Variants in SPMIP2 observed in about 807,000 individuals in gnomAD.
SPMIP2 encodes the protein sperm microtubule inner protein 2.
At chr4:158,988,971 A>G in the SPMIP2 span, among the ~76,000 whole-genome samples, 5 of 152,200 alleles carry the variant, frequency 3.3e-5, no homozygotes, top group Non-Finnish European at 7.3e-5. Context: ...ACATAATTAT[A>G]TCTTTACAAA....
chr4:158,979,803 T>G, the SPMIP2 span, among the ~76,000 whole-genome samples: 9 of 147,640 alleles, frequency 6.1e-5, no homozygotes, highest in East Asian at 2.0e-4. Flanking sequence ...TTTTTTTTTT[T>G]TTTTTTTTTT....
chr4:158,895,832 G>A, the SPMIP2 span: 6 of 1,613,108 alleles, frequency 3.7e-6, no homozygotes, highest in Non-Finnish European at 3.4e-6. Context: ...GGACACACAC[G>A]AGTCCATGTG....
At chr4:158,944,590 T>G in the SPMIP2 span, among the ~76,000 whole-genome samples, 1 of 152,156 alleles carries the variant, frequency 6.6e-6, no homozygotes, top group African/African-American at 2.4e-5. Flanking sequence ...GCTTCATACA[T>G]CTACCTCTAC....
chr4:158,973,089 A>T, the SPMIP2 span: 370 of 1,576,412 alleles, frequency 2.3e-4, 1 homozygote, highest in Admixed American at 2.3e-3. Flanking sequence ...CTTGATATGA[A>T]AGCCACTCCC....
At chr4:159,070,225 T>A in the SPMIP2 span, among the ~76,000 whole-genome samples, 1 of 152,180 alleles carries the variant, frequency 6.6e-6, no homozygotes, top group Non-Finnish European at 1.5e-5. Flanking sequence ...TTTTGTGCCA[T>A]CGAGTTGTTT....
chr4:158,988,504 A>C, the SPMIP2 span, among the ~76,000 whole-genome samples: 3 of 152,216 alleles, frequency 2.0e-5, no homozygotes, highest in Non-Finnish European at 4.4e-5. Context: ...ATATTGGCAA[A>C]CTCAATCCAG....
chr4:158,910,513 T>C, the SPMIP2 span, among the ~76,000 whole-genome samples: 1 of 151,184 alleles, frequency 6.6e-6, no homozygotes, highest in African/African-American at 2.4e-5. Flanking sequence ...CCTCAGATGA[T>C]CTGCCCGCCT....
At chr4:158,956,744 T>A in the SPMIP2 span, among the ~76,000 whole-genome samples, 6 of 152,140 alleles carry the variant, frequency 3.9e-5, no homozygotes, top group South Asian at 2.1e-4. Context: ...CCCATCATTA[T>A]AACAAATATG....
At chr4:158,994,446 G>A in the SPMIP2 span, among the ~76,000 whole-genome samples, 1 of 152,122 alleles carries the variant, frequency 6.6e-6, no homozygotes, top group African/African-American at 2.4e-5. Flanking sequence ...AGGAAGAATT[G>A]CTTTTCACTA....
chr4:158,925,100 T>C, the SPMIP2 span, among the ~76,000 whole-genome samples: 1 of 152,260 alleles, frequency 6.6e-6, no homozygotes, highest in Non-Finnish European at 1.5e-5. Flanking sequence ...TGGAAACAGT[T>C]TGTGAAGAAT....
At chr4:158,936,549 A>T in the SPMIP2 span, among the ~76,000 whole-genome samples, 5 of 152,228 alleles carry the variant, frequency 3.3e-5, no homozygotes, top group African/African-American at 1.2e-4. Context: ...TTCCAAAAGT[A>T]CTAAAAAGCC....
chr4:158,957,086 C>T, the SPMIP2 span, among the ~76,000 whole-genome samples: 4 of 151,718 alleles, frequency 2.6e-5, no homozygotes, highest in African/African-American at 7.3e-5. Context: ...TGTGAGCCAC[C>T]AAGCCTGGCC....
chr4:159,049,194 C>A, the SPMIP2 span, among the ~76,000 whole-genome samples: 1 of 152,170 alleles, frequency 6.6e-6, no homozygotes, highest in African/African-American at 2.4e-5. Context: ...CTATCTTCAA[C>A]ACAGATTAGC....
At chr4:158,983,133 C>A in the SPMIP2 span, among the ~76,000 whole-genome samples, 2 of 152,196 alleles carry the variant, frequency 1.3e-5, no homozygotes, top group African/African-American at 4.8e-5. Context: ...AGGAGACGAA[C>A]AAAGCCTCCA....
At chr4:159,010,543 T>C in the SPMIP2 span, among the ~76,000 whole-genome samples, 6 of 152,316 alleles carry the variant, frequency 3.9e-5, no homozygotes, top group African/African-American at 1.4e-4. Context: ...TCCCCACTTC[T>C]TTCAGGCGTT....
chr4:158,912,816 G>T, the SPMIP2 span, among the ~76,000 whole-genome samples: 7 of 152,156 alleles, frequency 4.6e-5, no homozygotes, highest in Admixed American at 3.9e-4. Context: ...TTGATAAAAA[G>T]ATAAATTATT....
chr4:158,982,817 CTT>C, the SPMIP2 span, among the ~76,000 whole-genome samples: 4 of 152,002 alleles, frequency 2.6e-5, no homozygotes, highest in Non-Finnish European at 5.9e-5. Context: ...CGGAGAATGA[CTT>C]TGACAAGTTG....
At chr4:158,931,261 T>G in the SPMIP2 span, among the ~76,000 whole-genome samples, 1 of 152,200 alleles carries the variant, frequency 6.6e-6, no homozygotes, top group Non-Finnish European at 1.5e-5. Context: ...CTCCAGAATT[T>G]TATTTTTAGA....
At chr4:158,934,375 T>C in the SPMIP2 span, among the ~76,000 whole-genome samples, 1 of 152,068 alleles carries the variant, frequency 6.6e-6, no homozygotes, top group Non-Finnish European at 1.5e-5. Context: ...GGCATAAGAA[T>C]TGCTTGAACC....
Sources: allele counts gnomAD v4.1 joint callset (sites outside exome capture counted in the v4.1 genomes callset), GRCh38; gene constraint gnomAD v4.1.1; transcripts MANE v1.5; gene names NCBI Gene and HGNC (gene_info 2026-07-23, HGNC 2026-07-21).